GRIK2: variants seen among roughly 807,000 people sequenced by gnomAD.
The protein encoded by GRIK2 is glutamate receptor ionotropic, kainate 2.
A neutral mutation model predicts 100.3 loss-of-function variants in GRIK2; 32 were observed. That is an observed-to-expected ratio of 0.32 (90% CI 0.24 to 0.43). GRIK2 has a LOEUF of 0.43. Among genes scored for constraint, GRIK2 ranks in the 20% least tolerant of loss-of-function variants. The pLI, the probability that GRIK2 is intolerant of heterozygous loss-of-function variation, is 1.00. For missense variants in GRIK2, 843 were observed against 1,114.9 expected, an observed-to-expected ratio of 0.76 and a Z score of 3.47; for synonymous variants, 417 against 389.4, an observed-to-expected ratio of 1.07 and a Z score of -0.83.
At chr6:101,965,897 T>C (rs986872186) in intron 14 of GRIK2, among the ~76,000 whole-genome samples, 1 of 152,148 alleles carries the variant, frequency 6.6e-6, no homozygotes, top group Admixed American at 6.6e-5. Flanking sequence ...TAATAACTGA[T>C]ATGTTTCCCT....
chr6:101,777,247 C>T (rs1242829499), intron 7 of GRIK2, among the ~76,000 whole-genome samples: 1 of 152,140 alleles, frequency 6.6e-6, no homozygotes, highest in Non-Finnish European at 1.5e-5. Context: ...CAGCTAGCAG[C>T]CACCGCACAC....
chr6:101,919,326 C>A (rs1285628993), intron 12 of GRIK2, among the ~76,000 whole-genome samples: 1 of 151,568 alleles, frequency 6.6e-6, no homozygotes, highest in Middle Eastern at 3.2e-3. Context: ...TAAGATGAAT[C>A]AAAGATACAT....
intron 2 of GRIK2, among the ~76,000 whole-genome samples, chr6:101,508,752 G>GTCA (rs1409557387): frequency 1.3e-5 from 2 of 152,136 alleles, no homozygotes; most frequent in Non-Finnish European, 2.9e-5. Flanking sequence ...GTTGAAAAGA[G>GTCA]TGTCATATTT....
At chr6:101,545,898 C>T (rs1017452448) in intron 2 of GRIK2, among the ~76,000 whole-genome samples, 1 of 151,904 alleles carries the variant, frequency 6.6e-6, no homozygotes, top group Non-Finnish European at 1.5e-5. Flanking sequence ...CTCCTATTTC[C>T]AAGAGGTTAG....
chr6:101,985,128 G>A (rs930575168), intron 14 of GRIK2, among the ~76,000 whole-genome samples: 1 of 151,802 alleles, frequency 6.6e-6, no homozygotes, highest in African/African-American at 2.4e-5. Context: ...ACAATCAGTA[G>A]TGGTAGAATT....
chr6:101,642,208 C>G (rs1373714250), intron 4 of GRIK2, among the ~76,000 whole-genome samples: 1 of 151,670 alleles, frequency 6.6e-6, no homozygotes, highest in African/African-American at 2.4e-5. Context: ...ATAACAGTAC[C>G]ATAATCTTGT....
intron 10 of GRIK2, among the ~76,000 whole-genome samples, chr6:101,819,467 A>G (rs143818767): frequency 1.5e-4 from 23 of 152,320 alleles, no homozygotes; most frequent in Non-Finnish European, 2.5e-4. Flanking sequence ...GCTGATAATC[A>G]TGAAGTGACA....
intron 2 of GRIK2, among the ~76,000 whole-genome samples, chr6:101,586,838 C>T (rs1329356305): frequency 2.1e-5 from 3 of 144,698 alleles, no homozygotes; most frequent in African/African-American, 7.7e-5. Context: ...TGCAGTGAGC[C>T]GAGATCCTGC....
chr6:101,883,192 T>C (rs1044920206), intron 11 of GRIK2, among the ~76,000 whole-genome samples: 3 of 151,098 alleles, frequency 2.0e-5, no homozygotes, highest in Non-Finnish European at 2.9e-5. Context: ...TACTATGCGG[T>C]CTTTACAACA....
intron 2 of GRIK2, among the ~76,000 whole-genome samples, chr6:101,588,683 C>CACACACAG (rs1173567345): frequency 4.3e-5 from 6 of 140,640 alleles, no homozygotes; most frequent in South Asian, 2.2e-4. Flanking sequence ...CACACACACA[C>CACACACAG]AGAAAAGAAA....
chr6:101,791,660 G>C (rs1303062649), intron 7 of GRIK2, among the ~76,000 whole-genome samples: 1 of 152,054 alleles, frequency 6.6e-6, no homozygotes, highest in Non-Finnish European at 1.5e-5. Context: ...GGTGTGGTGT[G>C]GTGCTGAAAA....
chr6:101,518,299 T>A (rs1216633050), intron 2 of GRIK2, among the ~76,000 whole-genome samples: 1 of 152,164 alleles, frequency 6.6e-6, no homozygotes, highest in Non-Finnish European at 1.5e-5. Flanking sequence ...AAGCAAAAAG[T>A]ACTTTCCTTA....
intron 2 of GRIK2, among the ~76,000 whole-genome samples, chr6:101,449,994 T>G (rs746077076): frequency 1.3e-5 from 2 of 151,744 alleles, no homozygotes; most frequent in Non-Finnish European, 3.0e-5. Flanking sequence ...GTTCACTCTT[T>G]GTTCATTTTT....
chr6:101,720,906 TA>T (rs1774435801), intron 7 of GRIK2, among the ~76,000 whole-genome samples: 1 of 152,096 alleles, frequency 6.6e-6, no homozygotes, highest in Admixed American at 6.6e-5. Flanking sequence ...TTGCATTTTT[TA>T]TGCCAGATAT....
rs9485518 is a variant in GRIK2, at chr6:101,594,305, C to T, written c.116-27644C>T. Among the ~76,000 whole-genome samples, 535 of 151,864 alleles carry T rather than the reference C, an allele frequency of 3.5e-3. 7 individuals carry two copies. The highest frequency in any genetic ancestry group is 0.013 in the African/African-American group (522 of 41,486). On this transcript the variant is annotated intron_variant, in intron 2 of 16. Transcript: ENST00000369134. The stretch of plus-strand genomic sequence containing the variant: ...CGAATTTTCTTTCAGAGAGTAAATA[C>T]ATCTATTCCGTTGTTATTTAGTATT...
At chr6:101,654,469 T>C (rs914456605) in intron 4 of GRIK2, among the ~76,000 whole-genome samples, 2 of 152,080 alleles carry the variant, frequency 1.3e-5, no homozygotes, top group Non-Finnish European at 2.9e-5. Context: ...TGGCCTACAT[T>C]CTCTAGAGCC....
chr6:101,777,282 C>T (rs546178086), intron 7 of GRIK2, among the ~76,000 whole-genome samples: 2 of 152,110 alleles, frequency 1.3e-5, no homozygotes, highest in Non-Finnish European at 2.9e-5. Flanking sequence ...GCAGAGTGCT[C>T]AGTGCAGTGT....
chr6:101,587,087 G>C (rs1290742807), intron 2 of GRIK2, among the ~76,000 whole-genome samples: 2 of 151,722 alleles, frequency 1.3e-5, no homozygotes, highest in African/African-American at 4.8e-5. Context: ...GGATTGATAT[G>C]TATAAAAACT....
At chr6:101,800,042 A>C (rs1219907930) in intron 8 of GRIK2, among the ~76,000 whole-genome samples, 1 of 152,104 alleles carries the variant, frequency 6.6e-6, no homozygotes, top group Non-Finnish European at 1.5e-5. Flanking sequence ...CTTTTCCTTT[A>C]TGTAGAGATA....
Sources: gnomAD v4.1 joint callset for allele counts (sites outside exome capture counted in the v4.1 genomes callset) on GRCh38, gnomAD v4.1.1 for gene constraint, MANE v1.5 for transcripts, NCBI Gene and HGNC (gene_info 2026-07-23, HGNC 2026-07-21) for gene names.